DHRSX: variants seen among roughly 807,000 people sequenced by gnomAD.
DHRSX encodes the protein polyprenol dehydrogenase.
Under a neutral mutation model 34.0 loss-of-function variants are expected in DHRSX, and 31 were observed. The observed-to-expected ratio is 0.91, with a 90% CI of 0.69 to 1.23. The LOEUF is 1.23. Among genes scored for constraint, DHRSX ranks in the 50% most tolerant of loss-of-function variants. DHRSX has a pLI of 0.00. For synonymous variants in DHRSX, 201 were observed against 183.8 expected (o/e 1.09, Z -0.76); for missense variants, 414 against 428.1 (o/e 0.97, Z 0.29).
In DHRSX at chrX:2,298,620, A is replaced by ACACACACACGCG. The variant is rs2041970346; in HGVS notation, c.287-7018_287-7017insCGCGTGTGTGTG. On this transcript the variant is annotated intron_variant, in intron 3 of 6. Coordinates refer to ENST00000334651, the MANE Select transcript of DHRSX (RefSeq NM_145177.3). ...CGTGTGTACACACACACACACACAC[A>ACACACACACGCG]CACACACACACACACACGAGGTCTT... Among the ~76,000 whole-genome samples, 3 of 143,160 alleles carry ACACACACACGCG rather than the reference A, an allele frequency of 2.1e-5. 1 individual carries two copies. The highest frequency in any genetic ancestry group is 6.7e-5 in the Admixed American group (1 of 14,822). The allele number at this position is 143,160 out of a possible 152,430, so 93.9% of individuals were successfully genotyped here.
rs1175734795 is a variant in DHRSX at position 2,295,756 on chromosome X, T to C, written c.287-4153A>G. ...ACAAAATGACTCAGAAGCAAGGACT[T>C]CCTTCTTCTGCAGTAGAATAATAAA... On this transcript the variant is annotated intron_variant, in intron 3 of 6. Transcript: ENST00000334651. Among the ~76,000 whole-genome samples the C allele has an allele frequency of 3.3e-5, 5 of 152,254 alleles. No individual in the cohort carries two copies. The South Asian group carries it at 1.0e-3, about 32-fold the overall frequency.
chrX:2,434,396 T>C (rs1451873246), intron 1 of DHRSX, among the ~76,000 whole-genome samples: 2 of 152,182 alleles, frequency 1.3e-5, no homozygotes, highest in African/African-American at 4.8e-5. Flanking sequence ...CAGCCAGGCC[T>C]GGTAGCTTAT....
intron 3 of DHRSX, among the ~76,000 whole-genome samples, chrX:2,392,092 G>A (rs1008431506): frequency 4.6e-5 from 7 of 152,100 alleles, no homozygotes; most frequent in Admixed American, 6.6e-5. Flanking sequence ...ACCATCCCTC[G>A]CCACAGGGAG....
At chrX:2,270,835 T>G (rs1408876308) in intron 4 of DHRSX, among the ~76,000 whole-genome samples, 2 of 152,046 alleles carry the variant, frequency 1.3e-5, no homozygotes, top group African/African-American at 4.8e-5. Context: ...AATGGACCAT[T>G]CAGCAGTCTG....
At chrX:2,367,754 T>C (rs1335817476) in intron 3 of DHRSX, among the ~76,000 whole-genome samples, 2 of 152,202 alleles carry the variant, frequency 1.3e-5, no homozygotes, top group African/African-American at 4.8e-5. Flanking sequence ...ATAACTAATT[T>C]AGCAAAACAT....
At chrX:2,224,673 TG>T (rs1295628582) in intron 6 of DHRSX, among the ~76,000 whole-genome samples, 1 of 152,130 alleles carries the variant, frequency 6.6e-6, no homozygotes, top group Non-Finnish European at 1.5e-5. Flanking sequence ...TACATTCGTA[TG>T]TACTCACATG....
chrX:2,446,667 T>TA (rs1444649578), intron 1 of DHRSX, among the ~76,000 whole-genome samples: 1 of 150,724 alleles, frequency 6.6e-6, no homozygotes, highest in South Asian at 2.1e-4. Context: ...AGAAGTTCCC[T>TA]AAAAATGTGG....
chrX:2,385,363 G>C (rs2043259968), intron 3 of DHRSX, among the ~76,000 whole-genome samples: 1 of 151,990 alleles, frequency 6.6e-6, no homozygotes, highest in Non-Finnish European at 1.5e-5. Flanking sequence ...CTTTATTGTG[G>C]TTTATGAGAG....
intron 3 of DHRSX, among the ~76,000 whole-genome samples, chrX:2,399,280 G>A (rs903573396): frequency 5.9e-5 from 9 of 151,996 alleles, no homozygotes; most frequent in African/African-American, 2.2e-4. Flanking sequence ...AGGAACGCAT[G>A]AGTCTATCTG....
At chrX:2,262,377 C>T (rs772127478) in intron 5 of DHRSX, among the ~76,000 whole-genome samples, 34 of 152,158 alleles carry the variant, frequency 2.2e-4, no homozygotes, top group African/African-American at 7.2e-4. Context: ...CCTGTGCACA[C>T]GAGCACTCAC....
chrX:2,298,616 A>ACACACACACACGCGCG (rs1318399659), intron 3 of DHRSX, among the ~76,000 whole-genome samples: 1 of 138,302 alleles, frequency 7.2e-6, no homozygotes, highest in African/African-American at 3.3e-5. Context: ...ACACACACAC[A>ACACACACACACGCGCG]CACACACACA....
chrX:2,437,155 A>G (rs1360948663), intron 1 of DHRSX, among the ~76,000 whole-genome samples: 1 of 151,874 alleles, frequency 6.6e-6, no homozygotes, highest in Non-Finnish European at 1.5e-5. Context: ...CCGCCACCAC[A>G]CCTGACTAAT....
intron 1 of DHRSX, among the ~76,000 whole-genome samples, chrX:2,462,176 T>C (rs778314641): frequency 7.0e-4 from 94 of 134,788 alleles, no homozygotes; most frequent in African/African-American, 2.5e-3. Context: ...GGATTCCAAT[T>C]AGTGCCTCAA....
chrX:2,325,959 G>A lies in DHRSX; in HGVS notation c.287-34356C>T, dbSNP rs1402843738. On this transcript the variant is annotated intron_variant, in intron 3 of 6. Coordinates refer to ENST00000334651, the MANE Select transcript of DHRSX (RefSeq NM_145177.3). ...CCCCAGGGTATATACCCCAGACAAC[G>A]TAGCCACTTCACTAACATGTAGAGA... Among the ~76,000 whole-genome samples, 16 of 152,102 alleles carry A rather than the reference G, an allele frequency of 1.1e-4. No homozygotes were observed. In the South Asian group the frequency reaches 1.4e-3, roughly 14 times the overall value.
At chrX:2,282,754 G>GA (rs1424494144) in intron 4 of DHRSX, among the ~76,000 whole-genome samples, 1 of 134,912 alleles carries the variant, frequency 7.4e-6, no homozygotes, top group Non-Finnish European at 1.6e-5. Context: ...GGGAGAGAGA[G>GA]AAGAGGGGAG....
At chrX:2,310,984 C>A (rs2042157532) in intron 3 of DHRSX, among the ~76,000 whole-genome samples, 1 of 151,090 alleles carries the variant, frequency 6.6e-6, no homozygotes, top group Admixed American at 6.6e-5. Context: ...TCGCTTGAAT[C>A]CGGGAGGCGG....
At chrX:2,494,630 TATC>T (rs1018343125) in intron 1 of DHRSX, among the ~76,000 whole-genome samples, 1 of 151,932 alleles carries the variant, frequency 6.6e-6, no homozygotes, top group African/African-American at 2.4e-5. Context: ...GTTCTATTAT[TATC>T]ATTATTATTA....
At position 2,241,143 on chromosome X, in the gene DHRSX, C is replaced by G. The variant is rs1366607134; in HGVS notation, c.804+1880G>C. ...AGGCTGCAGCGAGCCGAGATCACAC[C>G]ACGGCACTCCAGCCTGGTGATAGAG... is the stretch of plus-strand genomic sequence containing the variant. On this transcript the variant is annotated intron_variant, in intron 6 of 6. Coordinates refer to ENST00000334651, the MANE Select transcript of DHRSX (RefSeq NM_145177.3). 2.6e-5 allele frequency among the ~76,000 whole-genome samples: 4 copies of G among 152,146 alleles called. No homozygotes were observed. In the East Asian group the frequency reaches 7.7e-4, roughly 29 times the overall value.
intron 3 of DHRSX, among the ~76,000 whole-genome samples, chrX:2,401,571 G>C (rs1412975923): frequency 1.3e-5 from 2 of 152,176 alleles, no homozygotes; most frequent in East Asian, 1.9e-4. Context: ...TGGCATGTAC[G>C]AGCTGCAAAA....
Sources: gnomAD v4.1 joint callset for allele counts (sites outside exome capture counted in the v4.1 genomes callset) on GRCh38, gnomAD v4.1.1 for gene constraint, MANE v1.5 for transcripts, NCBI Gene and HGNC (gene_info 2026-07-23, HGNC 2026-07-21) for gene names.